Variants in MMP26 observed in about 807,000 individuals in gnomAD.
MMP26 encodes matrix metalloproteinase-26.
A neutral mutation model predicts 31.0 loss-of-function variants in MMP26; 33 were observed. That is an observed-to-expected ratio of 1.06 (90% CI 0.81 to 1.42). MMP26 has a LOEUF of 1.42. Among genes scored for constraint, MMP26 ranks in the 40% most tolerant of loss-of-function variants. The pLI, the probability that MMP26 is intolerant of heterozygous loss-of-function variation, is 0.00. For missense variants in MMP26, 347 were observed against 316.1 expected (o/e 1.10, Z -0.74); for synonymous variants, 122 against 114.9 (o/e 1.06, Z -0.40).
At chr11:4,858,703 A>G (rs542504898) in intron 2 of MMP26, among the ~76,000 whole-genome samples, 55 of 152,342 alleles carry the variant, frequency 3.6e-4, no homozygotes, top group Middle Eastern at 6.8e-3. Context: ...GGCTTTCTTC[A>G]CAAAATTGGA....
At position 4,880,208 on chromosome 11, in the gene MMP26, G is replaced by A. The variant is rs575736245; in HGVS notation, c.-144-107860G>A. Among the ~76,000 whole-genome samples, 9 of 152,168 alleles carry A rather than the reference G, an allele frequency of 5.9e-5. No homozygotes were observed. The Middle Eastern group carries it at 0.014, about 230-fold the overall frequency. On this transcript the variant is annotated intron_variant, in intron 2 of 7. Transcript: ENST00000380390. ...CTACTAGGCTGCCTATAAAGCCCTC[G>A]CTTTTGGAAGCTGGTTTAGTCCCTG...
At chr11:4,801,987 C>T (rs1424854582) in intron 2 of MMP26, among the ~76,000 whole-genome samples, 1 of 152,158 alleles carries the variant, frequency 6.6e-6, no homozygotes, top group African/African-American at 2.4e-5. Flanking sequence ...CTGGGAATCA[C>T]ATTTCAACAG....
chr11:4,964,908 G>A (rs1439169836), intron 2 of MMP26, among the ~76,000 whole-genome samples: 1 of 152,134 alleles, frequency 6.6e-6, no homozygotes, highest in Non-Finnish European at 1.5e-5. Flanking sequence ...CACACACTGG[G>A]ACCTGTTGGA....
At chr11:4,954,378 T>C (rs1183143484) in intron 2 of MMP26, among the ~76,000 whole-genome samples, 2 of 125,060 alleles carry the variant, frequency 1.6e-5, no homozygotes, top group African/African-American at 2.7e-5. Flanking sequence ...ACTAACATGA[T>C]TAAAATGGAT....
intron 2 of MMP26, among the ~76,000 whole-genome samples, chr11:4,793,311 A>T (rs912714347): frequency 6.6e-6 from 1 of 152,178 alleles, no homozygotes; most frequent in African/African-American, 2.4e-5. Context: ...CACAGAAGCA[A>T]CCAAACTCTT....
At chr11:4,761,104 G>A (rs1364477043) in intron 1 of MMP26, among the ~76,000 whole-genome samples, 2 of 152,156 alleles carry the variant, frequency 1.3e-5, no homozygotes, top group African/African-American at 2.4e-5. Flanking sequence ...AGGGTAAGCG[G>A]GGAGAGCCTT....
At chr11:4,797,453 C>T (rs1849123461) in intron 2 of MMP26, among the ~76,000 whole-genome samples, 1 of 152,122 alleles carries the variant, frequency 6.6e-6, no homozygotes, top group Non-Finnish European at 1.5e-5. Flanking sequence ...ATGTCTTGCC[C>T]ACACCTTCCT....
At chr11:4,724,654 C>T (rs1848071726) in intron 1 of MMP26, among the ~76,000 whole-genome samples, 1 of 151,968 alleles carries the variant, frequency 6.6e-6, no homozygotes, top group Non-Finnish European at 1.5e-5. Context: ...CACAAAAATC[C>T]CAGAAAGGGA....
At chr11:4,944,852 T>A (rs1433479305) in intron 2 of MMP26, 4 of 152,128 alleles carry the variant, frequency 2.6e-5, no homozygotes, top group African/African-American at 9.7e-5. Context: ...TTAAAAAACT[T>A]GTATCCTACC....
chr11:4,866,019 A>G (rs536473890), intron 2 of MMP26, among the ~76,000 whole-genome samples: 1 of 152,180 alleles, frequency 6.6e-6, no homozygotes, highest in Non-Finnish European at 1.5e-5. Flanking sequence ...AATGTATGCT[A>G]CACACACCAC....
intron 2 of MMP26, among the ~76,000 whole-genome samples, chr11:4,853,461 C>A (rs1465526472): frequency 1.3e-5 from 2 of 151,550 alleles, no homozygotes; most frequent in South Asian, 2.1e-4. Flanking sequence ...AAATTGAAAA[C>A]CCTTAGCAAG....
chr11:4,861,816 T>A (rs1850164853), intron 2 of MMP26, among the ~76,000 whole-genome samples: 1 of 152,130 alleles, frequency 6.6e-6, no homozygotes, highest in Non-Finnish European at 1.5e-5. Flanking sequence ...TAGACTTTTT[T>A]AAAACAAATA....
At chr11:4,723,365 T>A in intron 1 of MMP26, 1 of 962,828 alleles carries the variant, frequency 1.0e-6, no homozygotes, top group Middle Eastern at 2.6e-4. Flanking sequence ...TCCGCCCGGC[T>A]GCGGTTGGAG....
intron 2 of MMP26, among the ~76,000 whole-genome samples, chr11:4,842,175 A>T (rs1182899103): frequency 6.6e-6 from 1 of 152,224 alleles, no homozygotes; most frequent in South Asian, 2.1e-4. Context: ...ATAAACAGAA[A>T]AAAATATTAA....
At chr11:4,944,752 A>T (rs1171184386) in intron 2 of MMP26, 1 of 152,158 alleles carries the variant, frequency 6.6e-6, no homozygotes, top group South Asian at 2.1e-4. Context: ...AATCCAAGGC[A>T]ATAAATTTGT....
chr11:4,784,627 A>C (rs1848910073), intron 2 of MMP26, among the ~76,000 whole-genome samples: 1 of 152,158 alleles, frequency 6.6e-6, no homozygotes, highest in Non-Finnish European at 1.5e-5. Context: ...TGGAATAGGC[A>C]AGGAAACATT....
At chr11:4,965,482 G>A (rs761929597) in intron 2 of MMP26, among the ~76,000 whole-genome samples, 11 of 152,178 alleles carry the variant, frequency 7.2e-5, no homozygotes, top group Non-Finnish European at 1.5e-4. Flanking sequence ...AGGCTTAGAT[G>A]ATAAATTAAC....
rs149114230 is a variant in MMP26 at position 4,860,334 on chromosome 11, C to T, written c.-145+92993C>T. 6.4e-6 allele frequency: 3 copies of T among 471,228 alleles called. No individual in the cohort carries two copies. In the Admixed American group the frequency reaches 7.0e-5, roughly 11 times the overall value. The allele number at this position is 471,228 out of a possible 1,614,324, so 29.2% of individuals were successfully genotyped here. A position where few individuals can be genotyped will look rare whatever the true frequency, so the allele number is the denominator to read the frequency against. ...TGCTGAGCATGGAGGGCAAGGTGGACATGGAGAGACTAACGTCAGTGAGAG... is the reference window on the plus strand; with the variant it reads ...TGCTGAGCATGGAGGGCAAGGTGGATATGGAGAGACTAACGTCAGTGAGAG... On this transcript the variant is annotated intron_variant, in intron 2 of 7. Coordinates refer to ENST00000380390, the MANE Select transcript of MMP26 (RefSeq NM_021801.5).
chr11:4,871,901 T>G (rs1332192426), intron 2 of MMP26: 1 of 152,134 alleles, frequency 6.6e-6, no homozygotes, highest in East Asian at 1.9e-4. Context: ...TTCACCCTTT[T>G]ACCTGTAATT....
Sources: allele counts gnomAD v4.1 joint callset (sites outside exome capture counted in the v4.1 genomes callset), GRCh38; gene constraint gnomAD v4.1.1; transcripts MANE v1.5; gene names NCBI Gene and HGNC (gene_info 2026-07-23, HGNC 2026-07-21).